Variants in CENPP observed in about 807,000 individuals in gnomAD.
The protein encoded by CENPP is centromere protein P.
In CENPP, 24 loss-of-function variants were observed where a neutral mutation model predicts 35.6. That is an observed-to-expected ratio of 0.67 (90% CI 0.49 to 0.95). The LOEUF (loss-of-function observed/expected upper bound fraction) is 0.95. Among genes scored for constraint, CENPP ranks in the 40% least tolerant of loss-of-function variants. The probability of loss-of-function intolerance (pLI) is 0.00; values close to 1 mark genes in which losing one functional copy is unlikely to be tolerated. For synonymous variants in CENPP, 120 were observed against 125.5 expected (o/e 0.96, Z 0.29); for missense variants, 332 against 345.3 (o/e 0.96, Z 0.31).
intron 5 of CENPP, among the ~76,000 whole-genome samples, chr9:92,598,412 C>T (rs971953877): frequency 6.6e-5 from 10 of 152,216 alleles, no homozygotes; most frequent in African/African-American, 2.4e-5. Context: ...AGAAAACCCT[C>T]CACAGAGTAT....
intron 5 of CENPP, among the ~76,000 whole-genome samples, chr9:92,568,654 C>T (rs1194262321): frequency 1.3e-5 from 2 of 152,142 alleles, no homozygotes; most frequent in African/African-American, 2.4e-5. Flanking sequence ...CCTGAGGAAT[C>T]GCCACACTGT....
At chr9:92,450,784 C>T (rs1357612950) in intron 5 of CENPP, among the ~76,000 whole-genome samples, 1 of 152,000 alleles carries the variant, frequency 6.6e-6, no homozygotes, top group African/African-American at 2.4e-5. Flanking sequence ...TAATGATTGC[C>T]ATTCTAACTG....
intron 5 of CENPP, among the ~76,000 whole-genome samples, chr9:92,528,915 A>G (rs1395400751): frequency 6.6e-6 from 1 of 152,268 alleles, no homozygotes; most frequent in Non-Finnish European, 1.5e-5. Flanking sequence ...CAGAAATGAC[A>G]GTGCTGATAT....
At chr9:92,465,392 G>A (rs1195331011) in intron 5 of CENPP, among the ~76,000 whole-genome samples, 2 of 152,158 alleles carry the variant, frequency 1.3e-5, no homozygotes, top group African/African-American at 4.8e-5. Context: ...ATGTTTTTCT[G>A]TGTACATTTT....
chr9:92,354,120 G>GT (rs1430600837), intron 4 of CENPP, among the ~76,000 whole-genome samples: 1 of 152,222 alleles, frequency 6.6e-6, no homozygotes, highest in Non-Finnish European at 1.5e-5. Flanking sequence ...ATGGCATACT[G>GT]TGATGGTGGA....
chr9:92,586,237 G>T (rs968055937), intron 5 of CENPP, among the ~76,000 whole-genome samples: 2 of 152,150 alleles, frequency 1.3e-5, no homozygotes, highest in Non-Finnish European at 1.5e-5. Flanking sequence ...TAGAGACAGG[G>T]TTTCGCCATG....
chr9:92,386,626 G>T (rs960025783), intron 5 of CENPP, among the ~76,000 whole-genome samples: 1 of 152,254 alleles, frequency 6.6e-6, no homozygotes, highest in Non-Finnish European at 1.5e-5. Context: ...AACTAATGAG[G>T]TGAGTCCCTA....
intron 5 of CENPP, among the ~76,000 whole-genome samples, chr9:92,381,357 C>T (rs1410790296): frequency 1.3e-5 from 2 of 151,294 alleles, no homozygotes; most frequent in Admixed American, 6.6e-5. Context: ...AGTCACGGCT[C>T]ATGGCAGCTT....
chr9:92,445,712 T>C (rs1391767206), intron 5 of CENPP, among the ~76,000 whole-genome samples: 2 of 152,006 alleles, frequency 1.3e-5, no homozygotes, highest in African/African-American at 4.8e-5. Context: ...GGTAAAACCC[T>C]GTCTCTACTA....
At chr9:92,464,984 G>A (rs1467505715) in intron 5 of CENPP, 2 of 1,613,834 alleles carry the variant, frequency 1.2e-6, no homozygotes, top group African/African-American at 1.3e-5. Flanking sequence ...CCCTTCAAAT[G>A]CCCCTGGCTC....
intron 5 of CENPP, among the ~76,000 whole-genome samples, chr9:92,413,562 C>T (rs1363773773): frequency 6.6e-6 from 1 of 152,084 alleles, no homozygotes; most frequent in Non-Finnish European, 1.5e-5. Context: ...CACGTATTAA[C>T]TCTTAATGTT....
chr9:92,424,811 A>T (rs1843917464), intron 5 of CENPP, among the ~76,000 whole-genome samples: 1 of 152,118 alleles, frequency 6.6e-6, no homozygotes, highest in Non-Finnish European at 1.5e-5. Flanking sequence ...AGTAGCTGGG[A>T]TTACAGGCAT....
chr9:92,416,718 T>A, intron 5 of CENPP: 1 of 1,613,780 alleles, frequency 6.2e-7, no homozygotes, highest in Non-Finnish European at 8.5e-7. Flanking sequence ...TCTACAATGT[T>A]GGGAAGATTA....
In CENPP at chr9:92,431,641, G is replaced by A. The variant is rs545365815; in HGVS notation, c.564+51782G>A. Among the ~76,000 whole-genome samples the A allele has an allele frequency of 9.2e-5, 14 of 152,056 alleles. 1 individual carries two copies. The highest frequency in any genetic ancestry group is 1.9e-4 in the Non-Finnish European group (13 of 67,966). On this transcript the variant is annotated intron_variant, in intron 5 of 7. Coordinates refer to ENST00000375587, the MANE Select transcript of CENPP (RefSeq NM_001012267.3). The stretch of plus-strand genomic sequence containing the variant: ...CCAGGCTGGGGTGCAGTGGCATGAT[G>A]TTGGCTCACTGCAACCTCTGCCTCC...
At chr9:92,498,649 G>C (rs1196522161) in intron 5 of CENPP, among the ~76,000 whole-genome samples, 1 of 152,044 alleles carries the variant, frequency 6.6e-6, no homozygotes, top group Non-Finnish European at 1.5e-5. Context: ...ACATATTACA[G>C]AGGAAACCAC....
intron 5 of CENPP, among the ~76,000 whole-genome samples, chr9:92,594,548 A>G (rs1850732402): frequency 6.6e-6 from 1 of 152,224 alleles, no homozygotes; most frequent in Non-Finnish European, 1.5e-5. Context: ...CCTTTGGACT[A>G]CTTTGCTGAG....
chr9:92,457,236 A>G, intron 5 of CENPP: 3 of 1,589,938 alleles, frequency 1.9e-6, no homozygotes, highest in Non-Finnish European at 2.6e-6. Flanking sequence ...AGTATTCCAA[A>G]TGTAGGGATT....
intron 5 of CENPP, among the ~76,000 whole-genome samples, chr9:92,606,534 C>G (rs899716500): frequency 6.6e-6 from 1 of 152,030 alleles, no homozygotes; most frequent in Non-Finnish European, 1.5e-5. Flanking sequence ...AGATATATAA[C>G]CAAGGGAAAT....
intron 5 of CENPP, among the ~76,000 whole-genome samples, chr9:92,587,194 G>A (rs189214858): frequency 3.5e-4 from 53 of 152,282 alleles, no homozygotes; most frequent in Non-Finnish European, 8.8e-5. Context: ...GGGCCCAGCC[G>A]GACGGTGGCT....
Sources: allele counts gnomAD v4.1 joint callset (sites outside exome capture counted in the v4.1 genomes callset), GRCh38; gene constraint gnomAD v4.1.1; transcripts MANE v1.5; gene names NCBI Gene and HGNC (gene_info 2026-07-23, HGNC 2026-07-21).